CMSS1: variants seen among roughly 807,000 people sequenced by gnomAD.
CMSS1 encodes the protein cms1 ribosomal small subunit homolog.
Under a neutral mutation model 43.5 loss-of-function variants are expected in CMSS1, and 33 were observed. The ratio of observed to expected loss-of-function variants is 0.76; its 90% confidence interval spans 0.57 to 1.01. The LOEUF (loss-of-function observed/expected upper bound fraction) is 1.01. Among genes scored for constraint, CMSS1 ranks in the 50% least tolerant of loss-of-function variants. CMSS1 has a pLI of 0.00. For missense variants in CMSS1, 313 were observed against 326.4 expected (o/e 0.96, Z 0.32); for synonymous variants, 115 against 117.2 (o/e 0.98, Z 0.12).
At chr3:100,153,908 T>A (rs541151221) in intron 2 of CMSS1, among the ~76,000 whole-genome samples, 32 of 152,016 alleles carry the variant, frequency 2.1e-4, no homozygotes, top group Non-Finnish European at 1.5e-5. Context: ...TGGAGTGCAA[T>A]GACGCGATCT....
chr3:100,057,044 T>C (rs1474966015), intron 1 of CMSS1, among the ~76,000 whole-genome samples: 1 of 151,998 alleles, frequency 6.6e-6, no homozygotes, highest in Non-Finnish European at 1.5e-5. Context: ...CCCACAACTT[T>C]GGGGTAGCTC....
At chr3:100,138,695 G>A (rs1432024050) in intron 1 of CMSS1, among the ~76,000 whole-genome samples, 1 of 151,808 alleles carries the variant, frequency 6.6e-6, no homozygotes, top group Non-Finnish European at 1.5e-5. Flanking sequence ...AACAATAGAT[G>A]CTGGCAAGGC....
chr3:99,818,261 G>T (rs532852558), intron 1 of CMSS1, among the ~76,000 whole-genome samples: 19 of 152,358 alleles, frequency 1.2e-4, no homozygotes, highest in Admixed American at 8.5e-4. Context: ...AGCCAGGAAG[G>T]ATCCTTTCCA....
chr3:100,090,869 C>G (rs2066091728), intron 1 of CMSS1, among the ~76,000 whole-genome samples: 1 of 152,132 alleles, frequency 6.6e-6, no homozygotes, highest in Admixed American at 6.5e-5. Context: ...TTCATTCCAT[C>G]CCATGTAGTC....
At chr3:100,055,816 C>A (rs1350460405) in intron 1 of CMSS1, among the ~76,000 whole-genome samples, 1 of 152,102 alleles carries the variant, frequency 6.6e-6, no homozygotes, top group Non-Finnish European at 1.5e-5. Flanking sequence ...TGTACACATT[C>A]TTTCTTGTTT....
chr3:100,177,220 G>A (rs2067154864), intron 9 of CMSS1, among the ~76,000 whole-genome samples: 1 of 152,100 alleles, frequency 6.6e-6, no homozygotes. Context: ...GATTATAATT[G>A]ATCAGTGAGT....
chr3:100,172,072 A>T (rs979183311), intron 7 of CMSS1, 173 bp downstream of exon 7: 20 of 641,110 alleles, frequency 3.1e-5, no homozygotes, highest in Non-Finnish European at 5.5e-5. Context: ...CTACCTCCCC[A>T]GTATGGCAGT....
chr3:100,096,797 T>C (rs1039596407), intron 1 of CMSS1, among the ~76,000 whole-genome samples: 1 of 152,156 alleles, frequency 6.6e-6, no homozygotes, highest in Non-Finnish European at 1.5e-5. Flanking sequence ...AAAGGATAAA[T>C]GTGTGAGGGA....
chr3:99,977,294 CA>C (rs1444238533), intron 1 of CMSS1, among the ~76,000 whole-genome samples: 1 of 151,930 alleles, frequency 6.6e-6, no homozygotes, highest in Admixed American at 6.6e-5. Flanking sequence ...AGACTTAGAC[CA>C]GGAAATAACA....
chr3:100,054,733 A>G (rs2065435481), intron 1 of CMSS1, among the ~76,000 whole-genome samples: 2 of 152,102 alleles, frequency 1.3e-5, no homozygotes, highest in Admixed American at 6.6e-5. Context: ...AGCAGTTCCC[A>G]CCAATACCCT....
At chr3:100,159,756 G>T in intron 2 of CMSS1, 1 of 288,524 alleles carries the variant, frequency 3.5e-6, no homozygotes. Flanking sequence ...AGCCCTCAGG[G>T]TAAAAATAGT....
At chr3:100,152,748 G>A (rs2066931284) in intron 2 of CMSS1, among the ~76,000 whole-genome samples, 1 of 152,136 alleles carries the variant, frequency 6.6e-6, no homozygotes, top group East Asian at 1.9e-4. Flanking sequence ...CTTGCCAATA[G>A]ACACATTTTC....
chr3:99,929,887 T>C (rs1413597249), intron 1 of CMSS1: 6 of 1,613,550 alleles, frequency 3.7e-6, no homozygotes, highest in Non-Finnish European at 5.1e-6. Flanking sequence ...GATGTCCTCC[T>C]GCCAAGGGGT....
chr3:100,029,930 G>T (rs1406457989), intron 1 of CMSS1, among the ~76,000 whole-genome samples: 1 of 152,162 alleles, frequency 6.6e-6, no homozygotes, highest in African/African-American at 2.4e-5. Context: ...GGAACGTTTA[G>T]AAGCAGCCCA....
chr3:99,897,294 C>T (rs1322243788), intron 1 of CMSS1, among the ~76,000 whole-genome samples: 2 of 151,722 alleles, frequency 1.3e-5, no homozygotes, highest in East Asian at 1.9e-4. Context: ...AGGAGGCCTC[C>T]GCGGGAGGAG....
chr3:100,060,782 C>T (rs1203837753), intron 1 of CMSS1, among the ~76,000 whole-genome samples: 4 of 152,038 alleles, frequency 2.6e-5, no homozygotes, highest in South Asian at 2.1e-4. Context: ...GGATAACGAG[C>T]GTGGGAGGCG....
rs61704772 is a variant in CMSS1 at position 100,021,915 on chromosome 3, T to TTGTGTGTG, written c.65-125019_65-125012dup. ...AGAATAGCTTGGATGCTAGATCCCA[T>TTGTGTGTG]TGTGTGTGTGTGTGTGTGTGTGTGT... On this transcript the variant is annotated intron_variant, in intron 1 of 9. Coordinates refer to ENST00000421999, the MANE Select transcript of CMSS1 (RefSeq NM_032359.4). Among the ~76,000 whole-genome samples the TTGTGTGTG allele has an allele frequency of 1.6e-3, 172 of 106,010 alleles. 1 individual carries two copies. The highest frequency in any genetic ancestry group is 4.1e-3 in the African/African-American group (103 of 24,968). 69.5% of individuals were successfully genotyped at this position (106,010 alleles called of 152,430 possible).
intron 1 of CMSS1, among the ~76,000 whole-genome samples, chr3:99,962,071 G>A (rs1708510161): frequency 6.6e-6 from 1 of 152,182 alleles, no homozygotes; most frequent in South Asian, 2.1e-4. Flanking sequence ...GCAAAGTCCT[G>A]AAGAGTACTA....
intron 1 of CMSS1, among the ~76,000 whole-genome samples, chr3:99,945,086 A>G (rs1225715625): frequency 6.6e-6 from 1 of 152,166 alleles, no homozygotes; most frequent in Non-Finnish European, 1.5e-5. Flanking sequence ...CAAGGAAAAT[A>G]CACAGAACAA....
Sources: allele counts gnomAD v4.1 joint callset (sites outside exome capture counted in the v4.1 genomes callset), GRCh38; gene constraint gnomAD v4.1.1; transcripts MANE v1.5; gene names NCBI Gene and HGNC (gene_info 2026-07-23, HGNC 2026-07-21).